The following CAMK1 variants were observed in gnomAD, a reference collection of about 807,000 sequenced individuals.
CAMK1 encodes the protein calcium/calmodulin-dependent protein kinase type 1.
A neutral mutation model predicts 49.1 loss-of-function variants in CAMK1; 39 were observed. The observed-to-expected ratio is 0.79, with a 90% confidence interval of 0.62 to 1.04. The LOEUF is 1.04. CAMK1 is among the 50% of genes least tolerant of loss of function. The probability of loss-of-function intolerance (pLI) is 0.00; values close to 1 mark genes in which losing one functional copy is unlikely to be tolerated. For missense variants in CAMK1, 457 were observed against 472.2 expected (o/e 0.97, Z 0.30); for synonymous variants, 192 against 185.2 (o/e 1.04, Z -0.30).
intron 3 of CAMK1, among the ~76,000 whole-genome samples, chr3:9,763,655 C>T (rs1161288459): frequency 6.6e-6 from 1 of 152,092 alleles, no homozygotes; most frequent in Non-Finnish European, 1.5e-5. Context: ...GATCTTTTCA[C>T]CAGTGAGCCA....
intron 5 of CAMK1, 120 bp from the exon 6 acceptor site, chr3:9,761,877 T>TTG: frequency 7.0e-7 from 1 of 1,435,510 alleles, no homozygotes; most frequent in Non-Finnish European, 9.2e-7. Context: ...TGTGGCTTCA[T>TTG]GGCTGTCATA....
chr3:9,760,380 T>G (rs934594512), intron 8 of CAMK1: 4 of 366,318 alleles, frequency 1.1e-5, no homozygotes, highest in Admixed American at 8.2e-5. Flanking sequence ...TATGGTGGTG[T>G]TTTAGACATT....
chr3:9,759,521 C>T lies in CAMK1; in HGVS notation c.879G>A (p.Gln293=). ...DKNIHQSVSE[Q]IKKNFAKSKW... ...TGCTCTTGGCAAAGTTCTTCTTGAT[C>T]TGCTCACTCACCGACTGGTGGATAT... Residue 293 remains glutamine (Q), a synonymous_variant, in exon 10 of 12, where the codon CAG becomes CAA. Coordinates refer to ENST00000256460, the MANE Select transcript of CAMK1 (RefSeq NM_003656.5). 6.2e-7 allele frequency: 1 copy of T among 1,614,168 alleles called. No homozygotes were observed. The highest frequency in any genetic ancestry group is 8.5e-7 in the Non-Finnish European group (1 of 1,180,024).
In CAMK1 at chr3:9,768,026, T is replaced by C. The variant is rs1267595922; in HGVS notation, c.-32-245A>G. 2.6e-5 allele frequency among the ~76,000 whole-genome samples: 4 copies of C among 152,242 alleles called. No individual in the cohort carries two copies. The East Asian group carries it at 5.8e-4, about 22-fold the overall frequency. On this transcript the variant is annotated intron_variant, in intron 1 of 11. Transcript: ENST00000256460. ...AAAGTCATGCATTCATTCATTCATT[T>C]ATTCTAGTTCTCTTCCCAGTTTTCC...
intron 2 of CAMK1, 168 bp from the exon 3 acceptor site, chr3:9,766,058 GCCTGGCCAGTCAAAGTAGTCTCTCC>G (rs774708158): frequency 6.3e-7 from 1 of 1,588,924 alleles, no homozygotes; most frequent in Non-Finnish European, 8.6e-7. Context: ...CATGACCCAG[GCCTGGCCAGTCAAAGTAGTCTCTCC>G]CCTGGCCACA....
rs749361287 is a variant in CAMK1, at chr3:9,765,900, GA to G, written c.84-11del. The G allele has an allele frequency of 6.2e-7, 1 of 1,614,038 alleles. No individual in the cohort carries two copies. Among genetic ancestry groups the G allele is most frequent in the South Asian group, 1.1e-5 (1 of 91,066 alleles). On this transcript the variant is annotated splice_polypyrimidine_tract_variant and intron_variant, in intron 2 of 11. Coordinates refer to ENST00000256460, the MANE Select transcript of CAMK1 (RefSeq NM_003656.5). Reference sequence around the variant, plus strand: ...CTCCGAGAAGGCCCCCCTATCGGGAGAGGGGATTCACAAGGTGAAGAACTGG... The same window carrying G: ...CTCCGAGAAGGCCCCCCTATCGGGAGGGGGATTCACAAGGTGAAGAACTGG...
At chr3:9,759,786 C>T (rs1370372444) in intron 8 of CAMK1, 36 bp from the exon 9 acceptor site, 5 of 1,614,066 alleles carry the variant, frequency 3.1e-6, no homozygotes, top group Non-Finnish European at 4.2e-6. Context: ...ATAATGACAG[C>T]ATGGTACTGC....
At chr3:9,769,469 AAC>A (rs921281791) in intron 1 of CAMK1, among the ~76,000 whole-genome samples, 94 of 152,192 alleles carry the variant, frequency 6.2e-4, no homozygotes, top group African/African-American at 2.0e-3. Context: ...TGGAACAAAA[AAC>A]ACACAGATTC....
Position 9,766,331 on chromosome 3 carries a change from T to C in CAMK1, c.84-441A>G, listed in dbSNP as rs2078150850. 4.4e-6 allele frequency: 3 copies of C among 688,410 alleles called. No individual in the cohort carries two copies. The African/African-American group carries it at 5.3e-5, about 12-fold the overall frequency. The allele number at this position is 688,410 out of a possible 1,614,324, so 42.6% of individuals were successfully genotyped here. On this transcript the variant is annotated intron_variant, in intron 2 of 11. Transcript: ENST00000256460. ...CCATGCCTGAGGTCTACCCCTGGGCTTTTGGATTATGTGTACAGTTGGTTC... is the reference window on the plus strand; with the variant it reads ...CCATGCCTGAGGTCTACCCCTGGGCCTTTGGATTATGTGTACAGTTGGTTC...
rs1386432634 is a variant in CAMK1, at chr3:9,761,958, G to A, written c.430-201C>T. On this transcript the variant is annotated intron_variant, in intron 5 of 11. Coordinates refer to ENST00000256460, the MANE Select transcript of CAMK1 (RefSeq NM_003656.5). Reference sequence around the variant, plus strand: ...ACAAGGCTCAAGAGGGTGTGGGGGGGAACTGTCTCTAAACCTCAGGTGTGC... The same window carrying A: ...ACAAGGCTCAAGAGGGTGTGGGGGGAAACTGTCTCTAAACCTCAGGTGTGC... 5 of 664,668 alleles carry A rather than the reference G, an allele frequency of 7.5e-6. No individual in the cohort carries two copies. In the East Asian group the frequency reaches 1.2e-4, roughly 16 times the overall value. 41.2% of individuals were successfully genotyped at this position (664,668 alleles called of 1,614,324 possible). A position where few individuals can be genotyped will look rare whatever the true frequency, so the allele number is the denominator to read the frequency against.
Position 9,757,697 on chromosome 3 carries a change from A to T in CAMK1, c.1030+32T>A. The stretch of plus-strand genomic sequence containing the variant: ...CAGCCCGGGTGCACCTTTGTGGACC[A>T]CCCATGCCCTTCTGCAGAGCCCGCT... On this transcript the variant is annotated intron_variant, in intron 11 of 11. Coordinates refer to ENST00000256460, the MANE Select transcript of CAMK1 (RefSeq NM_003656.5). This position sits in a 1 kb window ranked among gnomAD's most constrained non-coding sequence, Gnocchi z 4.5. 1.2e-6 allele frequency: 2 copies of T among 1,613,996 alleles called. No homozygotes were observed. The highest frequency in any genetic ancestry group is 1.7e-6 in the Non-Finnish European group (2 of 1,179,962).
intron 7 of CAMK1, chr3:9,761,217 G>A: frequency 2.2e-6 from 1 of 452,738 alleles, no homozygotes. Context: ...TAGAAAGAAA[G>A]TCAGCTCCCT....
In CAMK1 at chr3:9,757,542, G is replaced by C; in HGVS notation, c.1110C>G (p.Leu370=). ...TCATGACCCGAGGTCCAGGGCCCTA[G>C]AGCTGGTGGGGCAGTGTGGGGGACA... ...TELSPTLPHQ[L] Residue 370 remains leucine (L), a synonymous_variant, in exon 12 of 12, where the codon CTC becomes CTG. Transcript: ENST00000256460. This position sits in a 1 kb window ranked among gnomAD's most constrained non-coding sequence, Gnocchi z 4.5. The C allele has an allele frequency of 6.2e-7, 1 of 1,613,214 alleles. No individual in the cohort carries two copies. Among genetic ancestry groups the C allele is most frequent in the African/African-American group, 1.3e-5 (1 of 75,038 alleles).
At chr3:9,765,267 C>T (rs1463205763) in intron 3 of CAMK1, among the ~76,000 whole-genome samples, 3 of 151,680 alleles carry the variant, frequency 2.0e-5, no homozygotes, top group Non-Finnish European at 4.4e-5. Context: ...TGGTTGGAAG[C>T]TCAGGGGAGA....
intron 10 of CAMK1, 147 bp downstream of exon 10, chr3:9,759,341 G>A: frequency 6.4e-7 from 1 of 1,559,790 alleles, no homozygotes; most frequent in Non-Finnish European, 8.8e-7. Context: ...TTGAATGAAA[G>A]AGTGAATGAA....
Position 9,769,553 on chromosome 3 carries a change from A to G in CAMK1, c.-33+279T>C, listed in dbSNP as rs73113552. 4.3e-3 allele frequency among the ~76,000 whole-genome samples: 655 copies of G among 151,654 alleles called. 4 individuals carry two copies. Among genetic ancestry groups the G allele is most frequent in the African/African-American group, 0.015 (627 of 41,366 alleles). Reference sequence around the variant, plus strand: ...TACACTCCGCAAGCCCCCCCACCCCATGGATACCTCCAAATGCCCACGCCC... The same window carrying G: ...TACACTCCGCAAGCCCCCCCACCCCGTGGATACCTCCAAATGCCCACGCCC... On this transcript the variant is annotated intron_variant, in intron 1 of 11. Transcript: ENST00000256460.
chr3:9,758,917 A>G (rs1302397736), intron 10 of CAMK1: 2 of 420,854 alleles, frequency 4.8e-6, no homozygotes, highest in Non-Finnish European at 8.9e-6. Flanking sequence ...GGCGTGAGCC[A>G]CCATGCCTGG....
At chr3:9,758,534 G>A (rs1393632540) in intron 10 of CAMK1, 1 of 155,284 alleles carries the variant, frequency 6.4e-6, no homozygotes, top group Admixed American at 6.4e-5. Context: ...CTGCTACTGT[G>A]GTTCCAAACC....
chr3:9,758,984 CA>C (rs2125566136), intron 10 of CAMK1: 1 of 583,440 alleles, frequency 1.7e-6, no homozygotes, highest in African/African-American at 1.9e-5. Context: ...TGGGGCTCCT[CA>C]GTGCCCTCAG....
Sources: gnomAD v4.1 joint callset for allele counts (sites outside exome capture counted in the v4.1 genomes callset) on GRCh38, gnomAD v4.1.1 for gene constraint, Gnocchi (gnomAD v3.1) non-coding constraint, MANE v1.5 for transcripts, NCBI Gene and HGNC (gene_info 2026-07-23, HGNC 2026-07-21) for gene names.